Variants in EVI5 observed in about 807,000 individuals in gnomAD.
EVI5 encodes ecotropic viral integration site 5, also known as ecotropic viral integration site 5 protein homolog.
EVI5 carries 73 observed loss-of-function variants against 112.0 expected under a neutral mutation model. That is an observed-to-expected ratio of 0.65 (90% CI 0.54 to 0.79). The LOEUF is 0.79. Among genes scored for constraint, EVI5 ranks in the 30% least tolerant of loss-of-function variants. EVI5 has a pLI of 0.00. For missense variants in EVI5, 900 were observed against 968.8 expected (o/e 0.93, Z 0.94); for synonymous variants, 305 against 319.9 (o/e 0.95, Z 0.50).
chr1:92,608,744 A>G (rs548993606), intron 16 of EVI5, among the ~76,000 whole-genome samples: 3 of 151,246 alleles, frequency 2.0e-5, no homozygotes, highest in Non-Finnish European at 4.4e-5. Flanking sequence ...TACCATCACT[A>G]TTTATTGGGC....
intron 13 of EVI5, among the ~76,000 whole-genome samples, chr1:92,657,483 C>A (rs774571062): frequency 6.6e-6 from 1 of 151,892 alleles, no homozygotes; most frequent in African/African-American, 2.4e-5. Context: ...GGTAACATGG[C>A]GAAAACCCAT....
intron 1 of EVI5, chr1:92,756,919 T>A (rs546126671): frequency 2.7e-6 from 1 of 369,478 alleles, no homozygotes; most frequent in Non-Finnish European, 5.4e-6. Context: ...TTCAGACAAA[T>A]GAACATTACC....
chr1:92,768,038 C>T (rs1030933375), intron 1 of EVI5, among the ~76,000 whole-genome samples: 3 of 148,544 alleles, frequency 2.0e-5, no homozygotes, highest in Non-Finnish European at 4.4e-5. Context: ...CAAGATCACA[C>T]CACTGCACTC....
intron 1 of EVI5, among the ~76,000 whole-genome samples, chr1:92,770,415 C>T (rs576559932): frequency 6.6e-6 from 1 of 152,206 alleles, no homozygotes; most frequent in Non-Finnish European, 1.5e-5. Context: ...CATTTCTCCA[C>T]ATGTGTACGT....
At chr1:92,684,342 A>G (rs550578161) in intron 9 of EVI5, among the ~76,000 whole-genome samples, 1 of 152,334 alleles carries the variant, frequency 6.6e-6, no homozygotes, top group South Asian at 2.1e-4. Flanking sequence ...CTTTACAGAC[A>G]CAGAAATGCT....
intron 19 of EVI5, among the ~76,000 whole-genome samples, chr1:92,520,489 A>C (rs1354204751): frequency 2.0e-5 from 3 of 152,328 alleles, no homozygotes; most frequent in East Asian, 1.9e-4. Flanking sequence ...CTGTGGGTTC[A>C]TGGTGGGGGT....
At chr1:92,792,114 T>C (rs1686144979) in intron 1 of EVI5, among the ~76,000 whole-genome samples, 1 of 152,218 alleles carries the variant, frequency 6.6e-6, no homozygotes, top group South Asian at 2.1e-4. Context: ...TTCTTGCAGG[T>C]ATGGAATTAA....
At chr1:92,632,087 T>C (rs1657284974) in intron 14 of EVI5, among the ~76,000 whole-genome samples, 1 of 152,212 alleles carries the variant, frequency 6.6e-6, no homozygotes, top group Admixed American at 6.5e-5. Flanking sequence ...TTTGCCAGTA[T>C]TTTATTGAGG....
At chr1:92,598,251 G>A (rs531516214) in intron 18 of EVI5, among the ~76,000 whole-genome samples, 40 of 152,188 alleles carry the variant, frequency 2.6e-4, no homozygotes, top group East Asian at 2.1e-3. Context: ...TGTTGAGGGG[G>A]AAGCGTAGGA....
At chr1:92,762,560 C>G (rs765987084) in intron 1 of EVI5, among the ~76,000 whole-genome samples, 14 of 152,146 alleles carry the variant, frequency 9.2e-5, no homozygotes, top group Non-Finnish European at 1.5e-4. Flanking sequence ...AACTGTAGAA[C>G]ATAAAAGTCA....
chr1:92,730,454 G>C (rs1676268633), intron 2 of EVI5, among the ~76,000 whole-genome samples: 1 of 151,984 alleles, frequency 6.6e-6, no homozygotes, highest in South Asian at 2.1e-4. Context: ...GGGAACCCAA[G>C]TCCTTGAAGC....
At chr1:92,525,549 G>A (rs1661732960) in intron 19 of EVI5, among the ~76,000 whole-genome samples, 1 of 152,108 alleles carries the variant, frequency 6.6e-6, no homozygotes, top group South Asian at 2.1e-4. Flanking sequence ...GATTACAGGG[G>A]TGAGCCACTG....
At chr1:92,546,480 C>T (rs1273718032) in intron 19 of EVI5, among the ~76,000 whole-genome samples, 1 of 152,042 alleles carries the variant, frequency 6.6e-6, no homozygotes, top group African/African-American at 2.4e-5. Flanking sequence ...GGGTGGATCA[C>T]AAGGTCAGGA....
chr1:92,658,733 T>G (rs547416699), intron 13 of EVI5, among the ~76,000 whole-genome samples: 116 of 152,132 alleles, frequency 7.6e-4, no homozygotes, highest in African/African-American at 2.7e-3. Context: ...AAAAAAATCC[T>G]AAAATTCATA....
chr1:92,553,002 CAT>C (rs1667174276), intron 19 of EVI5, among the ~76,000 whole-genome samples: 1 of 151,646 alleles, frequency 6.6e-6, no homozygotes, highest in Non-Finnish European at 1.5e-5. Flanking sequence ...TTTTTTTACC[CAT>C]TGCAGGAATT....
intron 18 of EVI5, among the ~76,000 whole-genome samples, chr1:92,583,788 A>G (rs918054369): frequency 6.7e-6 from 1 of 148,816 alleles, no homozygotes; most frequent in Admixed American, 6.7e-5. Flanking sequence ...ACTGAAACTT[A>G]TAATTAGTTA....
chr1:92,563,006 T>TA (rs1410427157), intron 19 of EVI5, among the ~76,000 whole-genome samples: 1 of 152,082 alleles, frequency 6.6e-6, no homozygotes, highest in Non-Finnish European at 1.5e-5. Context: ...CAGAAAATAA[T>TA]AAAGGATAAG....
At chr1:92,517,179 G>A (rs1660048799) in intron 19 of EVI5, among the ~76,000 whole-genome samples, 1 of 152,164 alleles carries the variant, frequency 6.6e-6, no homozygotes, top group Non-Finnish European at 1.5e-5. Context: ...GAGAAAAAAG[G>A]ATGGTTTCCT....
chr1:92,616,898 C>A (rs1653313399), intron 16 of EVI5, among the ~76,000 whole-genome samples: 1 of 152,194 alleles, frequency 6.6e-6, no homozygotes, highest in Non-Finnish European at 1.5e-5. Flanking sequence ...ACTCCATCAT[C>A]AAATGGAAGT....
Sources: gnomAD v4.1 joint callset for allele counts (sites outside exome capture counted in the v4.1 genomes callset) on GRCh38, gnomAD v4.1.1 for gene constraint, MANE v1.5 for transcripts, NCBI Gene and HGNC (gene_info 2026-07-23, HGNC 2026-07-21) for gene names.